Variants in RIMS1 observed in about 807,000 individuals in gnomAD.
RIMS1 encodes regulating synaptic membrane exocytosis protein 1.
Under a neutral mutation model 214.1 loss-of-function variants are expected in RIMS1, and 83 were observed. The ratio of observed to expected loss-of-function variants is 0.39; its 90% CI spans 0.32 to 0.47. The LOEUF is 0.47. RIMS1 is among the 20% of genes least tolerant of loss of function. RIMS1 has a pLI of 0.99. For missense variants in RIMS1, 2,050 were observed against 2,161.8 expected, an observed-to-expected ratio of 0.95 and a Z score of 1.03; for synonymous variants, 793 against 786.8, an observed-to-expected ratio of 1.01 and a Z score of -0.13.
At chr6:72,144,743 T>C (rs901213672) in intron 4 of RIMS1, among the ~76,000 whole-genome samples, 5 of 152,314 alleles carry the variant, frequency 3.3e-5, no homozygotes, top group African/African-American at 9.6e-5. Flanking sequence ...CCATCCCTTT[T>C]ATTTCTTTTG....
intron 29 of RIMS1, among the ~76,000 whole-genome samples, chr6:72,344,969 A>C (rs1417066713): frequency 6.6e-6 from 1 of 151,724 alleles, no homozygotes; most frequent in Non-Finnish European, 1.5e-5. Flanking sequence ...GAGGGAAGGA[A>C]ACTAAATTTA....
chr6:72,012,348 G>A (rs1398176370), intron 2 of RIMS1, among the ~76,000 whole-genome samples: 1 of 152,070 alleles, frequency 6.6e-6, no homozygotes. Context: ...GGGAAAGAGG[G>A]TGGGATAGCA....
intron 4 of RIMS1, among the ~76,000 whole-genome samples, chr6:72,179,307 T>C (rs976489342): frequency 2.0e-5 from 3 of 152,054 alleles, no homozygotes; most frequent in African/African-American, 7.2e-5. Flanking sequence ...AGATATATGG[T>C]AAAAGGAAAT....
At chr6:71,933,349 G>T (rs1783601882) in intron 1 of RIMS1, among the ~76,000 whole-genome samples, 2 of 152,024 alleles carry the variant, frequency 1.3e-5, no homozygotes, top group African/African-American at 4.8e-5. Flanking sequence ...TTTCTCCCCA[G>T]TTGACTCTGA....
chr6:71,976,967 T>A (rs1435735792), intron 2 of RIMS1, among the ~76,000 whole-genome samples: 3 of 152,162 alleles, frequency 2.0e-5, no homozygotes, highest in African/African-American at 7.2e-5. Context: ...AAAGCTCTTG[T>A]CATTATTTCT....
chr6:72,329,454 ATAATG>A, intron 28 of RIMS1, among the ~76,000 whole-genome samples: 1 of 151,794 alleles, frequency 6.6e-6, no homozygotes. Context: ...TCAAAACTGG[ATAATG>A]TATTCTAAGT....
At chr6:72,023,755 C>A (rs1161815395) in intron 2 of RIMS1, among the ~76,000 whole-genome samples, 1 of 151,758 alleles carries the variant, frequency 6.6e-6, no homozygotes, top group Admixed American at 6.6e-5. Flanking sequence ...ATATTGAAAC[C>A]AAATTTATTT....
chr6:71,969,916 A>G (rs1274092902), intron 2 of RIMS1, among the ~76,000 whole-genome samples: 1 of 152,180 alleles, frequency 6.6e-6, no homozygotes, highest in Non-Finnish European at 1.5e-5. Flanking sequence ...ACCAACAGAA[A>G]GAGTTTCATT....
At chr6:72,132,096 T>C (rs1358153455) in intron 4 of RIMS1, among the ~76,000 whole-genome samples, 1 of 152,176 alleles carries the variant, frequency 6.6e-6, no homozygotes, top group Non-Finnish European at 1.5e-5. Context: ...CTACAATTTG[T>C]GCAGTTAACG....
rs538204620 is a variant in RIMS1 at position 72,357,415 on chromosome 6, T to C, written c.4366+23580T>C. Among the ~76,000 whole-genome samples, 107 of 152,366 alleles carry C rather than the reference T, an allele frequency of 7.0e-4. 1 individual carries two copies. The highest frequency in any genetic ancestry group is 2.4e-3 in the African/African-American group (100 of 41,590). ...CTCATCCTGGGATAGGAATATTTTATGGGTAGAATATTCTAAGGTGTAACA... is the reference window on the plus strand; with the variant it reads ...CTCATCCTGGGATAGGAATATTTTACGGGTAGAATATTCTAAGGTGTAACA... On this transcript the variant is annotated intron_variant, in intron 29 of 33. Coordinates refer to ENST00000521978, the MANE Select transcript of RIMS1 (RefSeq NM_014989.7).
chr6:72,355,788 G>A (rs987392856), intron 29 of RIMS1, among the ~76,000 whole-genome samples: 1 of 152,044 alleles, frequency 6.6e-6, no homozygotes, highest in African/African-American at 2.4e-5. Flanking sequence ...TGTCTAATTC[G>A]ATACCTGTCA....
chr6:72,073,250 T>G lies in RIMS1; in HGVS notation c.246-23699T>G, dbSNP rs570316566. On this transcript the variant is annotated intron_variant, in intron 2 of 33. Transcript: ENST00000521978. ...GAAATTTCATCCTTTGTGTCTTAGCTCTTGTCACTCTAAACATCTCTTGTT... is the reference window on the plus strand; with the variant it reads ...GAAATTTCATCCTTTGTGTCTTAGCGCTTGTCACTCTAAACATCTCTTGTT... Among the ~76,000 whole-genome samples the G allele has an allele frequency of 1.0e-3, 156 of 152,284 alleles. 1 individual carries two copies. Among genetic ancestry groups the G allele is most frequent in the Non-Finnish European group, 1.6e-3 (112 of 68,030 alleles).
intron 4 of RIMS1, among the ~76,000 whole-genome samples, chr6:72,166,227 C>T (rs2046233225): frequency 6.7e-6 from 1 of 150,300 alleles, no homozygotes; most frequent in South Asian, 2.1e-4. Flanking sequence ...CACATGCACA[C>T]ATACACAGTG....
chr6:72,212,886 G>A (rs1661978019), intron 6 of RIMS1: 6 of 1,206,224 alleles, frequency 5.0e-6, no homozygotes, highest in Admixed American at 8.2e-5. Context: ...CAGTCCTTTG[G>A]GTAACTGCAC....
chr6:71,955,448 T>C (rs1790970291), intron 1 of RIMS1, among the ~76,000 whole-genome samples: 1 of 152,198 alleles, frequency 6.6e-6, no homozygotes, highest in Non-Finnish European at 1.5e-5. Context: ...ATTACAGGCA[T>C]GAGCCACCGT....
intron 2 of RIMS1, among the ~76,000 whole-genome samples, chr6:72,019,319 T>TCAACACA (rs1813812060): frequency 6.6e-6 from 1 of 152,142 alleles, no homozygotes; most frequent in South Asian, 2.1e-4. Flanking sequence ...TAGATTGCAG[T>TCAACACA]CAACACAAAC....
intron 26 of RIMS1, among the ~76,000 whole-genome samples, chr6:72,306,110 T>C (rs1018315276): frequency 1.3e-5 from 2 of 152,142 alleles, no homozygotes; most frequent in African/African-American, 2.4e-5. Flanking sequence ...CTTTATGAAC[T>C]CCTTGTAAGA....
At chr6:71,913,240 G>A (rs927840795) in intron 1 of RIMS1, among the ~76,000 whole-genome samples, 1 of 151,966 alleles carries the variant, frequency 6.6e-6, no homozygotes, top group Non-Finnish European at 1.5e-5. Context: ...TTTAAATGTG[G>A]GTCTTATTAA....
chr6:72,202,239 G>T (rs1381690841), intron 6 of RIMS1, among the ~76,000 whole-genome samples: 1 of 152,184 alleles, frequency 6.6e-6, no homozygotes, highest in Non-Finnish European at 1.5e-5. Flanking sequence ...ACTGCAGACT[G>T]GGTGTCCTAA....
Sources: gnomAD v4.1 joint callset for allele counts (sites outside exome capture counted in the v4.1 genomes callset) on GRCh38, gnomAD v4.1.1 for gene constraint, MANE v1.5 for transcripts, NCBI Gene and HGNC (gene_info 2026-07-23, HGNC 2026-07-21) for gene names.